MEGF10: variants seen among roughly 807,000 people sequenced by gnomAD.
MEGF10 encodes multiple EGF like domains 10, also known as multiple epidermal growth factor-like domains protein 10.
MEGF10 carries 86 observed loss-of-function variants against 147.5 expected under a neutral mutation model. The observed-to-expected ratio is 0.58, with a 90% CI of 0.49 to 0.70. MEGF10 has a LOEUF of 0.70. Among genes scored for constraint, MEGF10 ranks in the 30% least tolerant of loss-of-function variants. MEGF10 has a pLI of 0.00. For missense variants in MEGF10, 1,329 were observed against 1,487.3 expected (o/e 0.89, Z 1.75); for synonymous variants, 478 against 525.5 (o/e 0.91, Z 1.24).
chr5:127,454,542 G>T lies in MEGF10; in HGVS notation c.2981-24G>T, dbSNP rs1050381181. 9.4e-6 allele frequency: 15 copies of T among 1,596,568 alleles called. No individual in the cohort carries two copies. In the African/African-American group the frequency reaches 1.6e-4, roughly 17 times the overall value. On this transcript the variant is annotated intron_variant, in intron 22 of 24. Transcript: ENST00000503335. ...TTCTTCCTTTCAGTTCTCACTGGGT[G>T]TTTTTTTTCTTCCTTTATTACAGGT...
rs779137178 is a variant in MEGF10 at position 127,398,771 on chromosome 5, A to G, written c.755A>G (p.Glu252Gly). 40 of 1,613,628 alleles carry G rather than the reference A, an allele frequency of 2.5e-5. 1 individual carries two copies. In the South Asian group the frequency reaches 4.3e-4, roughly 17 times the overall value. Residue 252 changes from glutamate to glycine, a missense_variant, in exon 7 of 25, where the codon GAA becomes GGA. Physicochemically the swap from Glu to Gly is moderately conservative, Grantham distance 98. This residue lies in a region of MEGF10 where 980 missense variants were observed against 1,085.9 expected (regional missense o/e 0.90). Transcript: ENST00000503335. ...GGAGTGTGTCATCACGTCACTGGAG[A>G]ATGCTCTTGCCCTTCTGGCTGGATG... ...NGGVCHHVTG[E>G]CSCPSGWMGT...
intron 4 of MEGF10, among the ~76,000 whole-genome samples, chr5:127,345,763 T>C (rs1761862064): frequency 6.6e-6 from 1 of 152,160 alleles, no homozygotes; most frequent in Non-Finnish European, 1.5e-5. Context: ...AAGTTCTTTA[T>C]TGGCGAATTC....
chr5:127,390,804 G>T (rs903452921), intron 5 of MEGF10, among the ~76,000 whole-genome samples: 3 of 152,042 alleles, frequency 2.0e-5, no homozygotes, highest in Non-Finnish European at 2.9e-5. Flanking sequence ...GCTTTGGAGA[G>T]AGTGAAATAT....
rs1766329158 is a variant in MEGF10 at position 127,455,544 on chromosome 5, A to G, written c.3169A>G (p.Arg1057Gly). 2 of 1,614,040 alleles carry G rather than the reference A, an allele frequency of 1.2e-6. No individual in the cohort carries two copies. Among genetic ancestry groups the G allele is most frequent in the Admixed American group, 3.3e-5 (2 of 60,010 alleles). ...TGTGGAGATGAAATCGCCGGCACGA[A>G]GAGATTCCCCATATGCAGAGATCAA... ...GYVEMKSPAR[R>G]DSPYAEINNS... The change falls in exon 24 of 25, where the codon AGA (arginine) becomes GGA (glycine). Residue 1057 changes from arginine (R) to glycine (G), a missense_variant. Arg to Gly is a moderately radical substitution (Grantham distance 125). Coordinates refer to ENST00000503335, the MANE Select transcript of MEGF10 (RefSeq NM_001256545.2).
Position 127,417,781 on chromosome 5 carries a change from C to T in MEGF10, c.1274C>T (p.Thr425Ile), listed in dbSNP as rs1473026814. ...AATGGGGCAGACTGTGACAGTGTGACTGGAAAGTGCACCTGTGCCCCAGGA... is the reference window on the plus strand; with the variant it reads ...AATGGGGCAGACTGTGACAGTGTGATTGGAAAGTGCACCTGTGCCCCAGGA... ...CQNGADCDSVTGKCTCAPGFK... is the reference protein window; with the variant it reads ...CQNGADCDSVIGKCTCAPGFK... The change falls in exon 10 of 25, where the codon ACT becomes ATT. Residue 425 changes from threonine (T) to isoleucine (I), a missense_variant. This residue lies in a region of MEGF10 where 980 missense variants were observed against 1,085.9 expected (regional missense o/e 0.90). Coordinates refer to ENST00000503335, the MANE Select transcript of MEGF10 (RefSeq NM_001256545.2). 2 of 1,613,994 alleles carry T rather than the reference C, an allele frequency of 1.2e-6. No homozygotes were observed. The highest frequency in any genetic ancestry group is 1.1e-5 in the South Asian group (1 of 91,016).
At chr5:127,372,972 A>G (rs1762897985) in intron 5 of MEGF10, among the ~76,000 whole-genome samples, 1 of 152,212 alleles carries the variant, frequency 6.6e-6, no homozygotes, top group Non-Finnish European at 1.5e-5. Context: ...AGGAAGGAAT[A>G]TCTGCCTATA....
chr5:127,440,116 G>A (rs183717265), intron 17 of MEGF10, among the ~76,000 whole-genome samples: 108 of 152,324 alleles, frequency 7.1e-4, no homozygotes, highest in African/African-American at 2.4e-3. Flanking sequence ...ATTTGTGGGT[G>A]TCTTTAGCTC....
At chr5:127,244,749 C>A in the MEGF10 span, among the ~76,000 whole-genome samples, 2 of 151,858 alleles carry the variant, frequency 1.3e-5, no homozygotes, top group Non-Finnish European at 2.9e-5. Flanking sequence ...TATACTAAAC[C>A]AAGCTATTGT....
intron 12 of MEGF10, among the ~76,000 whole-genome samples, chr5:127,421,338 T>C (rs939441871): frequency 5.9e-5 from 9 of 152,222 alleles, no homozygotes; most frequent in Non-Finnish European, 8.8e-5. Context: ...ATTGTTTTCT[T>C]TTTCTTATTT....
chr5:127,398,642 T>C, intron 6 of MEGF10, 34 bp from the exon 7 acceptor site: 2 of 1,613,574 alleles, frequency 1.2e-6, no homozygotes, highest in Non-Finnish European at 1.7e-6. Context: ...GTCTGGGAAA[T>C]AACAGTGTCC....
At chr5:127,247,452 G>A in the MEGF10 span, among the ~76,000 whole-genome samples, 1 of 128,020 alleles carries the variant, frequency 7.8e-6, no homozygotes, top group Non-Finnish European at 1.7e-5. Context: ...AGAAGAAGAA[G>A]AAGAAGAAGA....
chr5:127,247,159 G>A, the MEGF10 span, among the ~76,000 whole-genome samples: 1 of 138,802 alleles, frequency 7.2e-6, no homozygotes, highest in Non-Finnish European at 1.5e-5. Context: ...CATTGATGGA[G>A]AATAAATTAA....
chr5:127,308,393 T>C (rs868566037), intron 1 of MEGF10, among the ~76,000 whole-genome samples: 1 of 152,168 alleles, frequency 6.6e-6, no homozygotes, highest in Non-Finnish European at 1.5e-5. Context: ...ACAAATCAGT[T>C]TGAATTCAGG....
intron 13 of MEGF10, among the ~76,000 whole-genome samples, chr5:127,430,413 G>C (rs1244428645): frequency 7.9e-5 from 12 of 152,088 alleles, no homozygotes; most frequent in Admixed American, 4.6e-4. Flanking sequence ...CTTCATCCTG[G>C]AGAATATTTC....
chr5:127,287,787 A>G (rs140159108), upstream of MEGF10, among the ~76,000 whole-genome samples: 407 of 152,180 alleles, frequency 2.7e-3, 4 homozygotes, highest in Middle Eastern at 0.024. Context: ...AGAGTTGAAC[A>G]AATTTTGAAA....
intron 2 of MEGF10, among the ~76,000 whole-genome samples, chr5:127,333,233 AG>A (rs1007931264): frequency 6.6e-6 from 1 of 152,130 alleles, no homozygotes; most frequent in African/African-American, 2.4e-5. Context: ...AGAGAAAAAA[AG>A]GTTGGGTGCG....
Position 127,419,190 on chromosome 5 carries a change from A to C in MEGF10, c.1376A>C (p.Lys459Thr), listed in dbSNP as rs752036674. ...GINCSSRCGC[K>T]NDAVCSPVDG... is the part of the protein sequence containing the mutation. Reference sequence around the variant, plus strand: ...AACTGTTCCTCTCGCTGTGGCTGTAAAAATGATGCAGTCTGCTCTCCTGTG... The same window carrying C: ...AACTGTTCCTCTCGCTGTGGCTGTACAAATGATGCAGTCTGCTCTCCTGTG... The change falls in exon 11 of 25, where the codon AAA becomes ACA. Residue 459 changes from lysine to threonine, a missense_variant. Lys to Thr is a moderately conservative substitution (Grantham distance 78). Coordinates refer to ENST00000503335, the MANE Select transcript of MEGF10 (RefSeq NM_001256545.2). 1 of 1,614,206 alleles carries C rather than the reference A, an allele frequency of 6.2e-7. No individual in the cohort carries two copies. Among genetic ancestry groups the C allele is most frequent in the Non-Finnish European group, 8.5e-7 (1 of 1,180,042 alleles).
chr5:127,329,664 C>T (rs1761174032), intron 1 of MEGF10, among the ~76,000 whole-genome samples: 1 of 151,916 alleles, frequency 6.6e-6, no homozygotes, highest in Admixed American at 6.6e-5. Context: ...TGCCAGCTCC[C>T]ACCCAGAAAA....
At chr5:127,419,297 C>A in intron 11 of MEGF10, 57 bp downstream of exon 11, 3 of 1,558,314 alleles carry the variant, frequency 1.9e-6, no homozygotes, top group Admixed American at 2.1e-5. Flanking sequence ...CTCCTAAAGA[C>A]ACAAAAAAGA....
Sources: gnomAD v4.1 joint callset for allele counts (sites outside exome capture counted in the v4.1 genomes callset) on GRCh38, gnomAD v4.1.1 for gene constraint, gnomAD v4.1.1 regional missense constraint, MANE v1.5 for transcripts, NCBI Gene and HGNC (gene_info 2026-07-23, HGNC 2026-07-21) for gene names.